The following MYZAP variants were observed in gnomAD, a reference collection of about 807,000 sequenced individuals.
The protein encoded by MYZAP is myocardial zonula adherens protein.
MYZAP carries 66 observed loss-of-function variants against 69.4 expected under a neutral mutation model. The ratio of observed to expected loss-of-function variants is 0.95; its 90% CI spans 0.78 to 1.17. The LOEUF (loss-of-function observed/expected upper bound fraction) is 1.17. MYZAP is among the 50% of genes most tolerant of loss of function. The pLI, the probability that MYZAP is intolerant of heterozygous loss-of-function variation, is 0.00. For missense variants in MYZAP, 611 were observed against 556.2 expected, an observed-to-expected ratio of 1.10 and a Z score of -0.99; for synonymous variants, 256 against 205.9, an observed-to-expected ratio of 1.24 and a Z score of -2.09.
At position 57,625,996 on chromosome 15, in the gene MYZAP, T is replaced by A. The variant is rs982644067; in HGVS notation, c.525+104T>A. 9 of 1,012,258 alleles carry A rather than the reference T, an allele frequency of 8.9e-6. No individual in the cohort carries two copies. In the African/African-American group the frequency reaches 9.6e-5, roughly 11 times the overall value. 62.7% of individuals were successfully genotyped at this position (1,012,258 alleles called of 1,614,324 possible). A position where few individuals can be genotyped will look rare whatever the true frequency, so the allele number is the denominator to read the frequency against. On this transcript the variant is annotated intron_variant, in intron 5 of 12. Coordinates refer to ENST00000267853, the MANE Select transcript of MYZAP (RefSeq NM_001018100.5). The stretch of plus-strand genomic sequence containing the variant: ...TCACAGAACATCCTTAGCTCATGAT[T>A]CAGAATTCTTTAAGCAGAACCACTG...
intron 2 of MYZAP, among the ~76,000 whole-genome samples, chr15:57,612,250 G>A (rs2035152447): frequency 1.3e-5 from 2 of 152,142 alleles, no homozygotes; most frequent in South Asian, 4.1e-4. Context: ...GAAGTCACAC[G>A]AGTCACATTA....
At chr15:57,628,425 A>G (rs575367400) in intron 5 of MYZAP, among the ~76,000 whole-genome samples, 1 of 152,054 alleles carries the variant, frequency 6.6e-6, no homozygotes, top group African/African-American at 2.4e-5. Flanking sequence ...ACACACAACC[A>G]TGTCTAGCTG....
intron 12 of MYZAP, 30 bp downstream of exon 12, chr15:57,675,098 T>A (rs755071003): frequency 3.0e-5 from 38 of 1,252,654 alleles, no homozygotes; most frequent in Admixed American, 1.3e-4. Context: ...TTTTTTTTTT[T>A]ATTCAAATTC....
At chr15:57,627,045 C>A (rs2036177177) in intron 5 of MYZAP, among the ~76,000 whole-genome samples, 1 of 152,250 alleles carries the variant, frequency 6.6e-6, no homozygotes, top group East Asian at 1.9e-4. Context: ...CCTTTCCTCC[C>A]CTTTCGGACG....
At chr15:57,604,452 T>A in intron 2 of MYZAP, 97 bp downstream of exon 2, 2 of 1,346,148 alleles carry the variant, frequency 1.5e-6, no homozygotes, top group Non-Finnish European at 2.1e-6. Context: ...AGAGGCTGGG[T>A]GTCTGCACCT....
intron 11 of MYZAP, among the ~76,000 whole-genome samples, chr15:57,673,543 A>T (rs1361934773): frequency 6.7e-6 from 1 of 148,488 alleles, no homozygotes; most frequent in Admixed American, 6.8e-5. Flanking sequence ...TCCGGGAATA[A>T]GCCAGCACTG....
Position 57,633,734 on chromosome 15 carries a change from T to G in MYZAP, c.926T>G (p.Met309Arg), listed in dbSNP as rs779272418. ...IGELDRLIER[M>R]EKERHQLQLQ... The stretch of plus-strand genomic sequence containing the variant: ...GAGCTGGACAGGCTGATTGAGCGCA[T>G]GGAAAAGGTAGGACACAGCGTTGGG... The change falls in exon 8 of 13, where the codon ATG becomes AGG. Residue 309 changes from methionine to arginine, a missense_variant. By Grantham distance (91) the Met-to-Arg change is moderately conservative. Transcript: ENST00000267853. The G allele has an allele frequency of 1.9e-6, 3 of 1,606,836 alleles. No homozygotes were observed. In the East Asian group the frequency reaches 6.7e-5, roughly 36 times the overall value.
At chr15:57,647,418 T>G (rs1483768692) in intron 10 of MYZAP, 2 of 985,328 alleles carry the variant, frequency 2.0e-6, no homozygotes, top group African/African-American at 3.5e-5. Flanking sequence ...ACGCCTTTAT[T>G]GCTGTAATGT....
intron 2 of MYZAP, among the ~76,000 whole-genome samples, chr15:57,606,017 CT>C (rs1230522793): frequency 8.6e-5 from 13 of 151,802 alleles, no homozygotes; most frequent in African/African-American, 2.2e-4. Flanking sequence ...GGAAGGCTCC[CT>C]TTTTTTTATA....
chr15:57,683,082 G>T (rs1273852563), intron 12 of MYZAP, among the ~76,000 whole-genome samples: 1 of 152,168 alleles, frequency 6.6e-6, no homozygotes, highest in African/African-American at 2.4e-5. Flanking sequence ...ACAGTGGCAG[G>T]CTGTGGAACT....
chr15:57,676,073 A>G, intron 12 of MYZAP, among the ~76,000 whole-genome samples: 1 of 152,106 alleles, frequency 6.6e-6, no homozygotes, highest in East Asian at 1.9e-4. Flanking sequence ...TTGTCCTACC[A>G]GCCAGCAGCA....
chr15:57,659,160 G>T (rs556612586), intron 10 of MYZAP, among the ~76,000 whole-genome samples: 2 of 151,802 alleles, frequency 1.3e-5, no homozygotes, highest in African/African-American at 4.8e-5. Context: ...TATTATTTTT[G>T]ATGTTCAGAA....
chr15:57,654,405 A>G (rs1282150081), intron 10 of MYZAP, among the ~76,000 whole-genome samples: 1 of 152,142 alleles, frequency 6.6e-6, no homozygotes, highest in Non-Finnish European at 1.5e-5. Flanking sequence ...CCCAGTACAT[A>G]ATCAAAGTGA....
chr15:57,629,984 T>C (rs562673356), intron 6 of MYZAP, 130 bp downstream of exon 6: 1 of 1,213,674 alleles, frequency 8.2e-7, no homozygotes, highest in East Asian at 2.8e-5. Context: ...TTTTTTTTTT[T>C]TTGAGACAGA....
chr15:57,630,328 T>G (rs1346014982), intron 6 of MYZAP, among the ~76,000 whole-genome samples: 3 of 152,210 alleles, frequency 2.0e-5, no homozygotes, highest in Non-Finnish European at 4.4e-5. Context: ...CTCCAGTCCC[T>G]TCAAGGGCTC....
chr15:57,646,083 G>T (rs1294264630), intron 10 of MYZAP: 1 of 1,141,872 alleles, frequency 8.8e-7, no homozygotes, highest in Non-Finnish European at 1.2e-6. Flanking sequence ...GTAGGGGAAA[G>T]GAGCCATAGC....
At chr15:57,633,888 T>A in intron 8 of MYZAP, 147 bp downstream of exon 8, 1 of 1,002,984 alleles carries the variant, frequency 1.0e-6, no homozygotes, top group Non-Finnish European at 1.3e-6. Context: ...AAATAAAGTA[T>A]AAGGAAGTCC....
intron 2 of MYZAP, among the ~76,000 whole-genome samples, chr15:57,606,651 C>T (rs1028173006): frequency 9.9e-5 from 15 of 151,782 alleles, no homozygotes; most frequent in African/African-American, 1.7e-4. Flanking sequence ...ATGGGTGCAG[C>T]GCACCAGCAT....
At chr15:57,657,083 T>C (rs1392859736) in intron 10 of MYZAP, among the ~76,000 whole-genome samples, 1 of 152,180 alleles carries the variant, frequency 6.6e-6, no homozygotes, top group Non-Finnish European at 1.5e-5. Context: ...TAGGGGACAG[T>C]GACCAGTAGG....
Sources: gnomAD v4.1 joint callset for allele counts (sites outside exome capture counted in the v4.1 genomes callset) on GRCh38, gnomAD v4.1.1 for gene constraint, MANE v1.5 for transcripts, NCBI Gene and HGNC (gene_info 2026-07-23, HGNC 2026-07-21) for gene names.